LUZP2: variants seen among roughly 807,000 people sequenced by gnomAD.
LUZP2 encodes the protein leucine zipper protein 2.
In LUZP2, 52 loss-of-function variants were observed where a neutral mutation model predicts 51.6. The observed-to-expected ratio is 1.01, with a 90% CI of 0.81 to 1.27. LUZP2 has a LOEUF of 1.27. Among genes scored for constraint, LUZP2 ranks in the 50% most tolerant of loss-of-function variants. The pLI, the probability that LUZP2 is intolerant of heterozygous loss-of-function variation, is 0.00. For synonymous variants in LUZP2, 154 were observed against 137.3 expected, an observed-to-expected ratio of 1.12 and a Z score of -0.85; for missense variants, 436 against 395.4, an observed-to-expected ratio of 1.10 and a Z score of -0.87.
chr11:24,561,404 C>T (rs750500950), intron 1 of LUZP2, among the ~76,000 whole-genome samples: 39 of 152,150 alleles, frequency 2.6e-4, no homozygotes, highest in Non-Finnish European at 5.1e-4. Flanking sequence ...GTATTAGAAT[C>T]TCATTTCACA....
At position 24,602,254 on chromosome 11, in the gene LUZP2, G is replaced by GTA. The variant is rs1565021028; in HGVS notation, c.62+104949_62+104950insTA. 1.9e-4 allele frequency among the ~76,000 whole-genome samples: 14 copies of GTA among 73,704 alleles called. 1 individual carries two copies. The highest frequency in any genetic ancestry group is 3.4e-4 in the Non-Finnish European group (13 of 37,902). 48.4% of individuals were successfully genotyped at this position (73,704 alleles called of 152,430 possible). ...TATATGTGTATATATGTATATATAT[G>GTA]CAAACATATATGTACATACATATAT... On this transcript the variant is annotated intron_variant, in intron 1 of 11. Transcript: ENST00000336930.
chr11:24,739,120 C>T lies in LUZP2; in HGVS notation c.333+818C>T, dbSNP rs1440037751. ...CTAGCTGCACACCACAGAGGGGCCA[C>T]ACGGGGAGGCACCCAGGCTGTTCAT... On this transcript the variant is annotated intron_variant, in intron 4 of 11. Transcript: ENST00000336930. 5.3e-5 allele frequency among the ~76,000 whole-genome samples: 8 copies of T among 152,150 alleles called. No homozygotes were observed. In the East Asian group the frequency reaches 1.4e-3, roughly 26 times the overall value.
intron 7 of LUZP2, among the ~76,000 whole-genome samples, chr11:24,952,181 ATTG>A (rs894794624): frequency 2.1e-4 from 32 of 151,810 alleles, no homozygotes; most frequent in African/African-American, 6.5e-4. Context: ...AATATAAATT[ATTG>A]TTGTTATCAT....
intron 5 of LUZP2, among the ~76,000 whole-genome samples, chr11:24,845,610 C>T (rs567332023): frequency 1.5e-4 from 23 of 152,222 alleles, no homozygotes; most frequent in Admixed American, 9.2e-4. Context: ...CCACAATTCC[C>T]ATGTGTCAAG....
intron 9 of LUZP2, among the ~76,000 whole-genome samples, chr11:24,997,083 G>A (rs1431945729): frequency 1.3e-5 from 2 of 150,170 alleles, no homozygotes; most frequent in African/African-American, 4.9e-5. Flanking sequence ...AAACATACGT[G>A]TGCATGTGTC....
At chr11:24,675,219 A>C (rs1856506230) in intron 1 of LUZP2, among the ~76,000 whole-genome samples, 1 of 152,218 alleles carries the variant, frequency 6.6e-6, no homozygotes, top group Non-Finnish European at 1.5e-5. Context: ...ACCAACATCT[A>C]GGGGAAAATT....
At chr11:24,973,058 G>GTT (rs71044327) in intron 7 of LUZP2, among the ~76,000 whole-genome samples, 54,391 of 135,486 alleles carry the variant, frequency 0.4, 12,661 homozygotes, top group East Asian at 0.72. Context: ...CTGGTCCTGG[G>GTT]TTTTTTTTTT....
In LUZP2 at chr11:24,774,362, C is replaced by CTCTCTCTA. The variant is rs776739280; in HGVS notation, c.396+11055_396+11056insCTCTCTAT. ...TCTCTCTCTCTCTCTCTCTCTCTCT[C>CTCTCTCTA]TATATATATATATATATATACATAC... On this transcript the variant is annotated intron_variant, in intron 5 of 11. Coordinates refer to ENST00000336930, the MANE Select transcript of LUZP2 (RefSeq NM_001009909.4). Among the ~76,000 whole-genome samples the CTCTCTCTA allele has an allele frequency of 7.6e-3, 583 of 76,246 alleles. 7 individuals are homozygous for CTCTCTCTA. The highest frequency in any genetic ancestry group is 0.011 in the Non-Finnish European group (473 of 41,766). 50.0% of individuals were successfully genotyped at this position (76,246 alleles called of 152,430 possible).
chr11:24,573,488 A>T (rs1852505463), intron 1 of LUZP2, among the ~76,000 whole-genome samples: 1 of 98,352 alleles, frequency 1.0e-5, no homozygotes, highest in Admixed American at 1.0e-4. Context: ...TATAGAAAGA[A>T]TACTGCAAAT....
intron 9 of LUZP2, among the ~76,000 whole-genome samples, chr11:25,034,128 G>T (rs1857781565): frequency 6.6e-6 from 1 of 151,952 alleles, no homozygotes; most frequent in Non-Finnish European, 1.5e-5. Flanking sequence ...CATCCTAATT[G>T]GTGTGTGAAA....
chr11:25,040,145 T>G (rs113331669), intron 9 of LUZP2, among the ~76,000 whole-genome samples: 14 of 152,216 alleles, frequency 9.2e-5, no homozygotes, highest in African/African-American at 3.1e-4. Context: ...TTGGCAAACT[T>G]AATTCAATAA....
intron 1 of LUZP2, among the ~76,000 whole-genome samples, chr11:24,556,813 C>T (rs1851882456): frequency 6.6e-6 from 1 of 152,034 alleles, no homozygotes; most frequent in Admixed American, 6.6e-5. Context: ...CTGTCTTGCA[C>T]CCTCAACACT....
chr11:24,732,070 T>C, intron 2 of LUZP2, 48 bp from the exon 3 acceptor site: 1 of 1,432,250 alleles, frequency 7.0e-7, no homozygotes, highest in Non-Finnish European at 9.7e-7. Context: ...AAAGTGAGTC[T>C]CAATTTCTCA....
intron 1 of LUZP2, among the ~76,000 whole-genome samples, chr11:24,531,055 T>C (rs964713391): frequency 6.9e-6 from 1 of 145,100 alleles, no homozygotes; most frequent in Non-Finnish European, 1.5e-5. Flanking sequence ...ATTATTATTA[T>C]TATTATTATT....
At chr11:24,594,970 C>T (rs1365896208) in intron 1 of LUZP2, among the ~76,000 whole-genome samples, 1 of 151,502 alleles carries the variant, frequency 6.6e-6, no homozygotes, top group East Asian at 1.9e-4. Flanking sequence ...CCATATTGTT[C>T]AGGCTGGTCT....
chr11:25,027,853 G>A (rs1301255369), intron 9 of LUZP2, among the ~76,000 whole-genome samples: 1 of 123,820 alleles, frequency 8.1e-6, no homozygotes, highest in Non-Finnish European at 1.7e-5. Flanking sequence ...CTGGGCGAAA[G>A]AACGAAATTC....
intron 1 of LUZP2, among the ~76,000 whole-genome samples, chr11:24,672,366 A>G (rs1856425830): frequency 6.6e-6 from 1 of 152,188 alleles, no homozygotes; most frequent in Admixed American, 6.5e-5. Context: ...TATTTTGGGA[A>G]AGCCACAATA....
At chr11:24,968,733 C>G (rs562423023) in intron 7 of LUZP2, among the ~76,000 whole-genome samples, 1 of 152,316 alleles carries the variant, frequency 6.6e-6, no homozygotes, top group Non-Finnish European at 1.5e-5. Context: ...ATATTGTAGC[C>G]ATTTAATCTG....
intron 5 of LUZP2, among the ~76,000 whole-genome samples, chr11:24,828,575 A>G (rs1446957094): frequency 2.8e-5 from 4 of 143,766 alleles, no homozygotes; most frequent in Non-Finnish European, 6.1e-5. Context: ...AAAAAAAAAA[A>G]CATATCTACT....
Sources: gnomAD v4.1 joint callset for allele counts (sites outside exome capture counted in the v4.1 genomes callset) on GRCh38, gnomAD v4.1.1 for gene constraint, MANE v1.5 for transcripts, NCBI Gene and HGNC (gene_info 2026-07-23, HGNC 2026-07-21) for gene names.